Variants in PCDH15 observed in about 807,000 individuals in gnomAD.
The protein encoded by PCDH15 is protocadherin related 15, also known as protocadherin-15.
A neutral mutation model predicts 178.5 loss-of-function variants in PCDH15; 129 were observed. The ratio of observed to expected loss-of-function variants is 0.72; its 90% CI spans 0.63 to 0.84. PCDH15 has a LOEUF of 0.84. PCDH15 is among the 40% of genes least tolerant of loss of function. PCDH15 has a pLI of 0.00. For missense variants in PCDH15, 2,230 were observed against 2,099.9 expected, an observed-to-expected ratio of 1.06 and a Z score of -1.21; for synonymous variants, 800 against 732.0, an observed-to-expected ratio of 1.09 and a Z score of -1.50.
intron 35 of PCDH15, among the ~76,000 whole-genome samples, chr10:53,814,308 T>G (rs2075982612): frequency 6.6e-6 from 1 of 152,136 alleles, no homozygotes; most frequent in African/African-American, 2.4e-5. Flanking sequence ...AAATAAAAAT[T>G]TCAAGTAAAT....
At chr10:53,855,920 A>ATATATATATATGTGTGTG (rs1201156130) in intron 28 of PCDH15, among the ~76,000 whole-genome samples, 5 of 140,408 alleles carry the variant, frequency 3.6e-5, no homozygotes, top group East Asian at 6.4e-4. Flanking sequence ...ATATATATAT[A>ATATATATATATGTGTGTG]TGTATGTGTG....
intron 2 of PCDH15, among the ~76,000 whole-genome samples, chr10:54,573,577 G>C (rs767327624): frequency 1.4e-4 from 22 of 152,102 alleles, no homozygotes; most frequent in Non-Finnish European, 2.8e-4. Context: ...TTAACTCTCT[G>C]CCTTGTAGTG....
intron 2 of PCDH15, among the ~76,000 whole-genome samples, chr10:55,470,841 A>AT (rs202205186): frequency 0.011 from 1,616 of 143,454 alleles, 19 homozygotes; most frequent in African/African-American, 0.032. Context: ...CTAAACTCTG[A>AT]TTTTTTTTTT....
At chr10:55,012,906 C>A (rs1207927226) in intron 2 of PCDH15, among the ~76,000 whole-genome samples, 5 of 151,996 alleles carry the variant, frequency 3.3e-5, no homozygotes, top group East Asian at 1.9e-4. Context: ...AAACTAAGTA[C>A]CAATATAACC....
intron 2 of PCDH15, among the ~76,000 whole-genome samples, chr10:54,613,278 AC>A (rs751364806): frequency 7.2e-5 from 11 of 151,866 alleles, no homozygotes; most frequent in Admixed American, 4.0e-4. Context: ...AAACTTTATC[AC>A]TCTCAAACAG....
chr10:54,288,431 G>T (rs943553015), intron 8 of PCDH15, among the ~76,000 whole-genome samples: 2 of 152,174 alleles, frequency 1.3e-5, no homozygotes, highest in Admixed American at 6.5e-5. Flanking sequence ...AACAGCTCCG[G>T]TCTGCAGCTC....
At chr10:54,999,737 A>AC (rs1349151084) in intron 2 of PCDH15, among the ~76,000 whole-genome samples, 1 of 152,064 alleles carries the variant, frequency 6.6e-6, no homozygotes, top group Non-Finnish European at 1.5e-5. Flanking sequence ...GGCGAAATTC[A>AC]CCCCCGATAT....
At chr10:54,072,763 T>C (rs1354414099) in intron 17 of PCDH15, among the ~76,000 whole-genome samples, 1 of 152,164 alleles carries the variant, frequency 6.6e-6, no homozygotes, top group Non-Finnish European at 1.5e-5. Flanking sequence ...AGGTCCCATC[T>C]AATAGGTTAT....
chr10:55,067,637 A>ATTTTT (rs199554150), intron 2 of PCDH15, among the ~76,000 whole-genome samples: 3 of 142,058 alleles, frequency 2.1e-5, no homozygotes, highest in Non-Finnish European at 4.6e-5. Context: ...TGATAGTTCT[A>ATTTTT]TTTTTTTTTT....
chr10:54,867,729 T>C (rs554920202), intron 3 of PCDH15, among the ~76,000 whole-genome samples: 1 of 152,242 alleles, frequency 6.6e-6, no homozygotes, highest in African/African-American at 2.4e-5. Context: ...TGACCAAACA[T>C]ACTAGACTGA....
At chr10:55,129,408 G>T (rs1387782136) in intron 2 of PCDH15, among the ~76,000 whole-genome samples, 1 of 152,084 alleles carries the variant, frequency 6.6e-6, no homozygotes, top group Non-Finnish European at 1.5e-5. Context: ...GGCAATTTCT[G>T]TAGGTCCTTG....
chr10:55,111,438 C>T (rs1837498362), intron 2 of PCDH15, among the ~76,000 whole-genome samples: 1 of 151,870 alleles, frequency 6.6e-6, no homozygotes, highest in Non-Finnish European at 1.5e-5. Flanking sequence ...GAAATTCAGG[C>T]TAATAATTAA....
chr10:53,854,876 C>T (rs1383070783), intron 28 of PCDH15, among the ~76,000 whole-genome samples: 2 of 151,988 alleles, frequency 1.3e-5, no homozygotes, highest in Admixed American at 1.3e-4. Flanking sequence ...TGTTTTAAAT[C>T]CAAAGTTTTA....
At chr10:54,173,734 C>T (rs532657043) in intron 13 of PCDH15, among the ~76,000 whole-genome samples, 267 of 151,982 alleles carry the variant, frequency 1.8e-3, no homozygotes, top group African/African-American at 5.7e-3. Flanking sequence ...GAAAAGTATG[C>T]AAAAAAATTG....
intron 32 of PCDH15, chr10:53,821,640 G>A: frequency 7.7e-7 from 1 of 1,301,588 alleles, no homozygotes; most frequent in Non-Finnish European, 9.8e-7. Context: ...AACAAATTAT[G>A]CTACTTTGTA....
rs1250645565 is a variant in PCDH15, at chr10:55,597,373, T to C, written c.-156+30252A>G. 9 of 152,142 alleles carry C rather than the reference T, an allele frequency of 5.9e-5. 1 individual carries two copies. Among genetic ancestry groups the C allele is most frequent in the Non-Finnish European group, 1.3e-4 (9 of 68,002 alleles). The allele number at this position is 152,142 out of a possible 1,614,324, so 9.4% of individuals were successfully genotyped here. ...TCCACCCTCCCTCCATCTCTGACTT[T>C]ATTGTTAAATTAGGTAAGAGGTACC... On this transcript the variant is annotated intron_variant, in intron 2 of 5. Transcript: ENST00000613346.
intron 2 of PCDH15, among the ~76,000 whole-genome samples, chr10:55,593,386 T>G (rs1282150295): frequency 1.3e-5 from 2 of 151,962 alleles, no homozygotes; most frequent in African/African-American, 4.8e-5. Context: ...ACACTGAACA[T>G]GTATAATTTA....
intron 2 of PCDH15, among the ~76,000 whole-genome samples, chr10:54,533,045 G>A (rs1347789894): frequency 2.0e-5 from 3 of 152,040 alleles, no homozygotes; most frequent in Non-Finnish European, 4.4e-5. Context: ...GCCCTGAACT[G>A]GTAAATAATT....
intron 2 of PCDH15, among the ~76,000 whole-genome samples, chr10:55,033,895 C>G (rs1840672491): frequency 6.6e-6 from 1 of 152,022 alleles, no homozygotes; most frequent in Non-Finnish European, 1.5e-5. Flanking sequence ...AGGGCTCTTC[C>G]CTTCTGAATG....
Sources: gnomAD v4.1 joint callset for allele counts (sites outside exome capture counted in the v4.1 genomes callset) on GRCh38, gnomAD v4.1.1 for gene constraint, MANE v1.5 for transcripts, NCBI Gene and HGNC (gene_info 2026-07-23, HGNC 2026-07-21) for gene names.